The following CNTNAP5 variants were observed in gnomAD, a reference collection of about 807,000 sequenced individuals.
The protein encoded by CNTNAP5 is contactin-associated protein-like 5.
In CNTNAP5, 72 loss-of-function variants were observed where a neutral mutation model predicts 150.2. That is an observed-to-expected ratio of 0.48 (90% CI 0.40 to 0.58). CNTNAP5 has a LOEUF of 0.58. Among genes scored for constraint, CNTNAP5 ranks in the 20% least tolerant of loss-of-function variants. CNTNAP5 has a pLI of 0.00. For synonymous variants in CNTNAP5, 672 were observed against 619.8 expected (o/e 1.08, Z -1.25); for missense variants, 1,636 against 1,626.2 (o/e 1.01, Z -0.10).
At chr2:124,865,585 T>C (rs951001160) in intron 20 of CNTNAP5, 149 bp downstream of exon 20, 11 of 711,708 alleles carry the variant, frequency 1.5e-5, no homozygotes, top group Non-Finnish European at 1.1e-5. Context: ...AGAACTAGGA[T>C]AGTGGTTCTC....
chr2:124,123,929 T>G (rs371437011), intron 1 of CNTNAP5, among the ~76,000 whole-genome samples: 34 of 152,106 alleles, frequency 2.2e-4, no homozygotes, highest in African/African-American at 8.2e-4. Context: ...AGACCAAAGG[T>G]AGTTAAAACC....
chr2:124,498,171 G>A (rs909607025), intron 7 of CNTNAP5, among the ~76,000 whole-genome samples: 6 of 152,172 alleles, frequency 3.9e-5, no homozygotes, highest in Non-Finnish European at 7.3e-5. Context: ...GCCTGAATAC[G>A]TCTTCAAGGA....
chr2:124,597,592 C>T (rs1696859265), intron 11 of CNTNAP5, among the ~76,000 whole-genome samples: 1 of 151,038 alleles, frequency 6.6e-6, no homozygotes, highest in African/African-American at 2.4e-5. Context: ...TCCTTCATTT[C>T]AACTTTGGTG....
intron 1 of CNTNAP5, among the ~76,000 whole-genome samples, chr2:124,057,775 C>A (rs1403517086): frequency 2.6e-5 from 4 of 151,716 alleles, no homozygotes; most frequent in Non-Finnish European, 5.9e-5. Flanking sequence ...AATGAGAGGG[C>A]AGTGTGTGGA....
chr2:124,271,061 T>G (rs1321811461), intron 3 of CNTNAP5, among the ~76,000 whole-genome samples: 1 of 151,992 alleles, frequency 6.6e-6, no homozygotes, highest in African/African-American at 2.4e-5. Context: ...CCTGTCCCTG[T>G]GGTCGTGAGC....
At chr2:124,366,755 G>T (rs1421127083) in intron 3 of CNTNAP5, among the ~76,000 whole-genome samples, 3 of 152,174 alleles carry the variant, frequency 2.0e-5, no homozygotes, top group Non-Finnish European at 4.4e-5. Flanking sequence ...AAGCTTTGGG[G>T]CTGGGAGAGC....
chr2:124,429,890 C>T (rs945537978), intron 4 of CNTNAP5, among the ~76,000 whole-genome samples: 2 of 152,134 alleles, frequency 1.3e-5, no homozygotes, highest in African/African-American at 4.8e-5. Context: ...GGCATAGGCA[C>T]CTCAATGGAT....
In CNTNAP5 at chr2:124,451,077, T is replaced by TATATATATAC. The variant is rs755084840; in HGVS notation, c.918+4141_918+4142insTATATATACA. ...ATATATATATATATATATATATATA[T>TATATATATAC]ACACACACACACACACACACATAAT... On this transcript the variant is annotated intron_variant, in intron 6 of 23. Transcript: ENST00000682447. Among the ~76,000 whole-genome samples the TATATATATAC allele has an allele frequency of 3.1e-4, 19 of 61,530 alleles. 1 individual carries two copies. Among genetic ancestry groups the TATATATATAC allele is most frequent in the Middle Eastern group, 0.032 (2 of 62 alleles). The allele number at this position is 61,530 out of a possible 152,430, so 40.4% of individuals were successfully genotyped here.
At chr2:124,318,028 A>T (rs534609090) in intron 3 of CNTNAP5, among the ~76,000 whole-genome samples, 51 of 152,328 alleles carry the variant, frequency 3.3e-4, no homozygotes, top group African/African-American at 1.2e-3. Flanking sequence ...AAAGGAAGTA[A>T]GTGCTTCCCA....
At chr2:124,151,031 C>T (rs1038480797) in intron 1 of CNTNAP5, among the ~76,000 whole-genome samples, 6 of 152,096 alleles carry the variant, frequency 3.9e-5, no homozygotes, top group African/African-American at 4.8e-5. Context: ...AACAGGGACA[C>T]GGTATGCTGG....
chr2:124,836,366 G>A (rs994619421), intron 19 of CNTNAP5, among the ~76,000 whole-genome samples: 2 of 152,110 alleles, frequency 1.3e-5, no homozygotes, highest in African/African-American at 4.8e-5. Flanking sequence ...AATATAAGTG[G>A]TCTCTAAAAT....
rs145015632 is a variant in CNTNAP5, at chr2:124,176,071, A to C, written c.83-45634A>C. On this transcript the variant is annotated intron_variant, in intron 1 of 23. Coordinates refer to ENST00000682447, the MANE Select transcript of CNTNAP5 (RefSeq NM_001367498.1). ...GCTGAAAATACTGAGTCCACAGGAG[A>C]GCTCCAAAGTTTGCTATGTTCTTTG... 2.3e-4 allele frequency among the ~76,000 whole-genome samples: 35 copies of C among 152,282 alleles called. No individual in the cohort carries two copies. The East Asian group carries it at 6.8e-3, about 30-fold the overall frequency.
intron 6 of CNTNAP5, among the ~76,000 whole-genome samples, chr2:124,461,443 T>A (rs547879709): frequency 1.3e-4 from 19 of 145,348 alleles, no homozygotes; most frequent in African/African-American, 4.6e-4. Context: ...AACCAAACAC[T>A]GCATATTCTC....
At chr2:124,251,941 C>T (rs566515331) in intron 3 of CNTNAP5, among the ~76,000 whole-genome samples, 4 of 152,258 alleles carry the variant, frequency 2.6e-5, no homozygotes, top group Middle Eastern at 3.4e-3. Context: ...TAGCCCACTA[C>T]GTGTAAACAG....
chr2:124,764,108 A>T lies in CNTNAP5; in HGVS notation c.2494A>T (p.Asn832Tyr). 1.2e-6 allele frequency: 2 copies of T among 1,613,172 alleles called. No homozygotes were observed. Among genetic ancestry groups the T allele is most frequent in the Non-Finnish European group, 1.7e-6 (2 of 1,179,310 alleles). The change falls in exon 16 of 24, where the codon AAT (asparagine) becomes TAT (tyrosine). Residue 832 changes from asparagine (N) to tyrosine (Y), a missense_variant. Physicochemically the swap from Asn to Tyr is moderately radical, Grantham distance 143. Coordinates refer to ENST00000682447, the MANE Select transcript of CNTNAP5 (RefSeq NM_001367498.1). Reference protein sequence around the residue: ...TTALSGVFLENLGIKDFIRLE... With the variant: ...TTALSGVFLEYLGIKDFIRLE... ...AGCATTATCCGGAGTTTTCCTAGAA[A>T]ATCTTGGCATTAAAGACTTCATTCG...
At chr2:124,305,400 T>A (rs1374685894) in intron 3 of CNTNAP5, among the ~76,000 whole-genome samples, 1 of 152,210 alleles carries the variant, frequency 6.6e-6, no homozygotes, top group Non-Finnish European at 1.5e-5. Flanking sequence ...ATTATCCAAG[T>A]GTTTCTCATG....
chr2:124,376,827 T>A (rs1214968306), intron 3 of CNTNAP5, among the ~76,000 whole-genome samples: 1 of 152,002 alleles, frequency 6.6e-6, no homozygotes, highest in Non-Finnish European at 1.5e-5. Context: ...AAGAAAGTAA[T>A]GAGAAATGAA....
In CNTNAP5 at chr2:124,189,740, T is replaced by C. The variant is rs75199138; in HGVS notation, c.83-31965T>C. On this transcript the variant is annotated intron_variant, in intron 1 of 23. Coordinates refer to ENST00000682447, the MANE Select transcript of CNTNAP5 (RefSeq NM_001367498.1). ...ACACCTTAAGAATTGGCAAGACTTT[T>C]GTTGGCATCTATTACTATAGATTCC... Among the ~76,000 whole-genome samples, 78 of 152,364 alleles carry C rather than the reference T, an allele frequency of 5.1e-4. 1 individual carries two copies. The East Asian group carries it at 0.014, about 27-fold the overall frequency.
chr2:124,028,176 C>T (rs1439131), intron 1 of CNTNAP5, among the ~76,000 whole-genome samples: 133,303 of 152,152 alleles, frequency 0.88, 58,498 homozygotes, highest in East Asian at 1. Context: ...AATGGATTTA[C>T]TAACCCAATA....
Sources: allele counts gnomAD v4.1 joint callset (sites outside exome capture counted in the v4.1 genomes callset), GRCh38; gene constraint gnomAD v4.1.1; transcripts MANE v1.5; gene names NCBI Gene and HGNC (gene_info 2026-07-23, HGNC 2026-07-21).